TENM4: variants seen among roughly 807,000 people sequenced by gnomAD.
TENM4 encodes the protein teneurin-4.
TENM4 carries 82 observed loss-of-function variants against 243.3 expected under a neutral mutation model. The observed-to-expected ratio is 0.34, with a 90% confidence interval of 0.28 to 0.40. The LOEUF is 0.40. Among genes scored for constraint, TENM4 ranks in the 10% least tolerant of loss-of-function variants. The pLI is 1.00. For synonymous variants in TENM4, 1,412 were observed against 1,456.3 expected (o/e 0.97, Z 0.69); for missense variants, 3,138 against 3,673.3 (o/e 0.85, Z 3.77).
intron 1 of TENM4, among the ~76,000 whole-genome samples, chr11:79,437,424 G>A (rs1012092460): frequency 6.6e-6 from 1 of 152,136 alleles, no homozygotes; most frequent in East Asian, 1.9e-4. Context: ...AGAAAGGCGC[G>A]GCCGGGACCC....
intron 4 of TENM4, among the ~76,000 whole-genome samples, chr11:79,141,210 G>T (rs756782188): frequency 7.9e-5 from 12 of 152,002 alleles, no homozygotes; most frequent in Non-Finnish European, 1.6e-4. Flanking sequence ...GATTAAATCA[G>T]CGGCTCTTAT....
chr11:79,170,382 G>T (rs1299949976), intron 3 of TENM4, among the ~76,000 whole-genome samples: 3 of 152,114 alleles, frequency 2.0e-5, no homozygotes, highest in Non-Finnish European at 4.4e-5. Context: ...AGGTGTTATA[G>T]GTCAAACAGC....
intron 2 of TENM4, among the ~76,000 whole-genome samples, chr11:79,216,868 A>G (rs1017180930): frequency 6.6e-6 from 1 of 152,138 alleles, no homozygotes; most frequent in Admixed American, 6.5e-5. Flanking sequence ...AAGGCACTTG[A>G]TCTGTGGAAT....
chr11:78,726,594 G>A (rs984192060), intron 22 of TENM4, among the ~76,000 whole-genome samples: 2 of 152,162 alleles, frequency 1.3e-5, no homozygotes, highest in African/African-American at 4.8e-5. Flanking sequence ...GGCCTGGTGG[G>A]AGGTGATTGG....
At chr11:79,224,037 T>C (rs898955122) in intron 2 of TENM4, among the ~76,000 whole-genome samples, 4 of 152,182 alleles carry the variant, frequency 2.6e-5, no homozygotes, top group African/African-American at 7.2e-5. Flanking sequence ...TTCAGCACAG[T>C]TGGGATGGCT....
At chr11:79,042,152 C>T (rs992857587) in intron 6 of TENM4, among the ~76,000 whole-genome samples, 4 of 152,170 alleles carry the variant, frequency 2.6e-5, no homozygotes, top group Admixed American at 2.0e-4. Context: ...GAAGGGTAGG[C>T]TGACTCTCTT....
chr11:78,677,154 T>A (rs1858498904), intron 29 of TENM4, among the ~76,000 whole-genome samples: 1 of 152,190 alleles, frequency 6.6e-6, no homozygotes, highest in Non-Finnish European at 1.5e-5. Context: ...ACCTCAAAAA[T>A]ACTTTTTAGA....
intron 3 of TENM4, among the ~76,000 whole-genome samples, chr11:79,198,429 C>G (rs12787340): frequency 6.6e-6 from 1 of 152,236 alleles, no homozygotes; most frequent in Non-Finnish European, 1.5e-5. Flanking sequence ...CCAGGTGATT[C>G]TAATGAGCAG....
chr11:79,069,595 A>G (rs2137001140), intron 5 of TENM4, 127 bp downstream of exon 5: 2 of 1,264,028 alleles, frequency 1.6e-6, no homozygotes, highest in Non-Finnish European at 1.1e-6. Flanking sequence ...TGCTGTTGAT[A>G]TGGCACCCCA....
intron 19 of TENM4, among the ~76,000 whole-genome samples, chr11:78,743,608 G>A (rs554942379): frequency 2.6e-5 from 4 of 152,218 alleles, no homozygotes; most frequent in South Asian, 2.1e-4. Context: ...AGGCCAGCCC[G>A]CACTCTCCCT....
At position 79,105,636 on chromosome 11, in the gene TENM4, C is replaced by T. The variant is rs116583574; in HGVS notation, c.-65-35627G>A. Among the ~76,000 whole-genome samples the T allele has an allele frequency of 6.7e-3, 1,027 of 152,332 alleles. 11 individuals carry two copies. Among genetic ancestry groups the T allele is most frequent in the African/African-American group, 0.022 (927 of 41,574 alleles). On this transcript the variant is annotated intron_variant, in intron 4 of 33. Transcript: ENST00000278550. ...AGGGAAAGGTGGAGCTGGTAGGGGC[C>T]TGCCAAATGAGGCAGGCTGGTCAGT...
intron 9 of TENM4, among the ~76,000 whole-genome samples, chr11:78,885,995 G>T (rs899079138): frequency 1.3e-5 from 2 of 152,172 alleles, no homozygotes; most frequent in Non-Finnish European, 1.5e-5. Context: ...AGACGTGACA[G>T]CCCTAGGCAG....
At chr11:78,955,486 A>G (rs867493967) in intron 6 of TENM4, among the ~76,000 whole-genome samples, 8 of 152,224 alleles carry the variant, frequency 5.3e-5, no homozygotes, top group Middle Eastern at 3.2e-3. Flanking sequence ...CTTAGTTTCC[A>G]GATGGAGAAA....
At chr11:79,406,221 CTGCTCTATTATTAACCTAG>C (rs1177820540) in intron 1 of TENM4, among the ~76,000 whole-genome samples, 1 of 152,206 alleles carries the variant, frequency 6.6e-6, no homozygotes, top group Non-Finnish European at 1.5e-5. Flanking sequence ...CCCAGCCTAT[CTGCTCTATTATTAACCTAG>C]TGCAATTTTT....
chr11:79,403,152 T>A (rs1858496242), intron 1 of TENM4, among the ~76,000 whole-genome samples: 1 of 152,198 alleles, frequency 6.6e-6, no homozygotes, highest in African/African-American at 2.4e-5. Flanking sequence ...GGCCCTTTAG[T>A]GAAGGAATTC....
chr11:79,024,676 TGG>T (rs941233524), intron 6 of TENM4, among the ~76,000 whole-genome samples: 3 of 152,230 alleles, frequency 2.0e-5, no homozygotes, highest in African/African-American at 7.2e-5. Context: ...AGCATACCCC[TGG>T]GCATGGAAAG....
At chr11:79,185,303 A>G (rs889972602) in intron 3 of TENM4, among the ~76,000 whole-genome samples, 4 of 151,770 alleles carry the variant, frequency 2.6e-5, no homozygotes, top group Non-Finnish European at 4.4e-5. Context: ...CTGTCTCACA[A>G]AAAACTACAA....
chr11:78,904,016 C>A, intron 6 of TENM4: 1 of 353,126 alleles, frequency 2.8e-6, no homozygotes, highest in South Asian at 2.2e-5. Context: ...AATTCTAGAA[C>A]CGCTGATTAT....
intron 6 of TENM4, among the ~76,000 whole-genome samples, chr11:79,028,690 C>T (rs907450889): frequency 6.6e-6 from 1 of 152,162 alleles, no homozygotes; most frequent in African/African-American, 2.4e-5. Context: ...TAGCTGTGGG[C>T]TGTGAACTGC....
Sources: allele counts gnomAD v4.1 joint callset (sites outside exome capture counted in the v4.1 genomes callset), GRCh38; gene constraint gnomAD v4.1.1; transcripts MANE v1.5; gene names NCBI Gene and HGNC (gene_info 2026-07-23, HGNC 2026-07-21).